PFKL: variants seen among roughly 807,000 people sequenced by gnomAD.
The protein encoded by PFKL is phosphofructokinase, liver type, also known as ATP-dependent 6-phosphofructokinase, liver type.
PFKL carries 74 observed loss-of-function variants against 92.1 expected under a neutral mutation model. The observed-to-expected ratio is 0.80, with a 90% CI of 0.67 to 0.97. The LOEUF is 0.97. PFKL is among the 50% of genes least tolerant of loss of function. The probability of loss-of-function intolerance (pLI) is 0.00; values close to 1 mark genes in which losing one functional copy is unlikely to be tolerated. For missense variants in PFKL, 1,028 were observed against 1,116.6 expected (o/e 0.92, Z 1.13); for synonymous variants, 494 against 456.4 (o/e 1.08, Z -1.05).
intron 17 of PFKL, 46 bp downstream of exon 17, chr21:44,324,701 A>G (rs745796573): frequency 6.4e-7 from 1 of 1,562,414 alleles, no homozygotes; most frequent in Non-Finnish European, 8.7e-7. Context: ...CCGGCATGCC[A>G]GCCTGGGCCC....
Position 44,319,765 on chromosome 21 carries a change from C to T in PFKL, c.1128-319C>T, listed in dbSNP as rs1049597493. The T allele has an allele frequency of 3.7e-5, 19 of 515,382 alleles. No homozygotes were observed. In the East Asian group the frequency reaches 4.0e-4, roughly 11 times the overall value. The allele number at this position is 515,382 out of a possible 1,614,324, so 31.9% of individuals were successfully genotyped here. On this transcript the variant is annotated intron_variant, in intron 11 of 21. Transcript: ENST00000349048. ...TACCACCCCCCTGCAGGCGTCCTGGCGGCCGGGTCAGGCTGGATTGGACGT... is the reference window on the plus strand; with the variant it reads ...TACCACCCCCCTGCAGGCGTCCTGGTGGCCGGGTCAGGCTGGATTGGACGT...
intron 1 of PFKL, among the ~76,000 whole-genome samples, chr21:44,303,033 G>T (rs1307239431): frequency 6.6e-6 from 1 of 152,120 alleles, no homozygotes; most frequent in African/African-American, 2.4e-5. Context: ...AGGAGTTCAA[G>T]ACCATCCTGG....
intron 7 of PFKL, chr21:44,315,948 C>G (rs1568957527): frequency 2.2e-6 from 1 of 448,666 alleles, no homozygotes; most frequent in African/African-American, 2.0e-5. Context: ...CCAGCCCCAG[C>G]TGTGTGTGTG....
Position 44,320,005 on chromosome 21 carries a change from G to A in PFKL, c.1128-79G>A, listed in dbSNP as rs938114851. The A allele has an allele frequency of 8.2e-6, 11 of 1,333,956 alleles. No individual in the cohort carries two copies. The South Asian group carries it at 1.3e-4, about 16-fold the overall frequency. The allele number at this position is 1,333,956 out of a possible 1,614,324, so 82.6% of individuals were successfully genotyped here. On this transcript the variant is annotated intron_variant, in intron 11 of 21. Transcript: ENST00000349048. ...GCCGTGTGCCTGTGACCAGCCTCCT[G>A]GGCTCTGTCACGGCTGCGCTGTGGC...
At position 44,311,076 on chromosome 21, in the gene PFKL, T is replaced by C; in HGVS notation, c.230T>C (p.Ile77Thr). ...AACTGGCTGAGCGTCTCCAACATCATCCAGCTGGTGAGGCCTGGGAACGCG... is the reference window on the plus strand; with the variant it reads ...AACTGGCTGAGCGTCTCCAACATCACCCAGCTGGTGAGGCCTGGGAACGCG... ...QANWLSVSNI[I>T]QLGGTIIGSA... Residue 77 changes from isoleucine (I) to threonine (T), a missense_variant, in exon 3 of 22, where the codon ATC becomes ACC. Coordinates refer to ENST00000349048, the MANE Select transcript of PFKL (RefSeq NM_002626.6). 6.2e-7 allele frequency: 1 copy of C among 1,612,318 alleles called. No individual in the cohort carries two copies. The highest frequency in any genetic ancestry group is 8.5e-7 in the Non-Finnish European group (1 of 1,179,192).
At chr21:44,325,071 C>T in intron 18 of PFKL, 82 bp from the exon 19 acceptor site, 1 of 1,222,012 alleles carries the variant, frequency 8.2e-7, no homozygotes. Context: ...CTCCCTCTCC[C>T]AGGCCTGGCC....
chr21:44,301,623 C>T (rs545921819), intron 1 of PFKL, among the ~76,000 whole-genome samples: 31 of 152,072 alleles, frequency 2.0e-4, no homozygotes, highest in African/African-American at 6.8e-4. Context: ...GGAGGGTGAA[C>T]TCGGGAAGCT....
chr21:44,326,046 A>G lies in PFKL; in HGVS notation c.2075A>G (p.Glu692Gly). ...AMLWLSEKLR[E>G]VYRKGRVFAN... is the part of the protein sequence containing the mutation. ...CTGTGGTTGTCGGAGAAGCTGCGCG[A>G]GGTTTACCGCAAGGGTAGGTGGTGG... is the stretch of plus-strand genomic sequence containing the variant. The change falls in exon 20 of 22, where the codon GAG becomes GGG. Residue 692 changes from glutamate to glycine, a missense_variant. By Grantham distance (98) the Glu-to-Gly change is moderately conservative. Transcript: ENST00000349048. The G allele has an allele frequency of 6.2e-7, 1 of 1,613,608 alleles. No homozygotes were observed. Among genetic ancestry groups the G allele is most frequent in the Non-Finnish European group, 8.5e-7 (1 of 1,179,886 alleles).
chr21:44,318,693 A>G, intron 10 of PFKL, 98 bp downstream of exon 10: 1 of 1,088,168 alleles, frequency 9.2e-7, no homozygotes, highest in Non-Finnish European at 1.2e-6. Context: ...CACTGTGAGC[A>G]CCGGAGGGCA....
chr21:44,309,850 G>A (rs1323706357), intron 2 of PFKL, among the ~76,000 whole-genome samples: 1 of 152,246 alleles, frequency 6.6e-6, no homozygotes, highest in East Asian at 1.9e-4. Flanking sequence ...CTGTCCCCCA[G>A]CCCAGCTGGT....
At chr21:44,306,648 G>A (rs552484301) in intron 1 of PFKL, 33 bp from the exon 2 acceptor site, 10 of 1,600,412 alleles carry the variant, frequency 6.2e-6, no homozygotes, top group Middle Eastern at 1.7e-4. Context: ...GCTTCTCAGC[G>A]TGGGACTGAC....
chr21:44,321,569 C>G (rs1319883570), intron 12 of PFKL, 160 bp from the exon 13 acceptor site: 2 of 599,430 alleles, frequency 3.3e-6, no homozygotes, highest in East Asian at 6.6e-5. Context: ...AGAACAGATA[C>G]CGTATTCCCA....
chr21:44,316,644 G>C, intron 9 of PFKL, 120 bp downstream of exon 9: 1 of 728,528 alleles, frequency 1.4e-6, no homozygotes, highest in South Asian at 1.8e-5. Context: ...CTGTGGGTGA[G>C]TGTCCGTGTC....
chr21:44,312,943 G>T (rs947641368), intron 4 of PFKL, 35 bp from the exon 5 acceptor site: 2 of 1,607,752 alleles, frequency 1.2e-6, no homozygotes, highest in Admixed American at 3.3e-5. Flanking sequence ...GGCCAGTGGA[G>T]CCTCAGCCAG....
At chr21:44,319,815 C>A in intron 11 of PFKL, 1 of 514,570 alleles carries the variant, frequency 1.9e-6, no homozygotes, top group Non-Finnish European at 3.5e-6. Context: ...GTGCCTCCAC[C>A]CGCTACCAAG....
In PFKL at chr21:44,316,297, T is replaced by C. The variant is rs781143318; in HGVS notation, c.801T>C (p.Ile267=). 1.2e-6 allele frequency: 2 copies of C among 1,613,312 alleles called. No individual in the cohort carries two copies. Among genetic ancestry groups the C allele is most frequent in the Non-Finnish European group, 1.7e-6 (2 of 1,179,980 alleles). ...LNIIIIAEGA[I]DRNGKPISSS... ...TCATCATCATCGCTGAGGGTGCCATTGACCGCAACGGGAAGCCCATCTCGT... is the reference window on the plus strand; with the variant it reads ...TCATCATCATCGCTGAGGGTGCCATCGACCGCAACGGGAAGCCCATCTCGT... The change falls in exon 8 of 22, where the codon ATT becomes ATC. Residue 267 remains isoleucine, a synonymous_variant. Transcript: ENST00000349048.
intron 7 of PFKL, chr21:44,314,624 G>A (rs2047149673): frequency 6.5e-6 from 1 of 153,284 alleles, no homozygotes; most frequent in Non-Finnish European, 1.4e-5. Flanking sequence ...GGTGTGTCTG[G>A]AGTGGGGGTG....
intron 14 of PFKL, 76 bp downstream of exon 14, chr21:44,322,279 A>G: frequency 7.1e-7 from 1 of 1,408,626 alleles, no homozygotes; most frequent in Non-Finnish European, 9.7e-7. Flanking sequence ...TGGGGGCGGC[A>G]AGGGGAACCC....
Position 44,321,842 on chromosome 21 carries a change from G to A in PFKL, c.1305G>A (p.Val435=). ...GISHGHTVYV[V]HDGFEGLAKG... Reference sequence around the variant, plus strand: ...CCCATGGACACACAGTATACGTGGTGCACGATGGCTTCGAAGGCCTAGCCA... The same window carrying A: ...CCCATGGACACACAGTATACGTGGTACACGATGGCTTCGAAGGCCTAGCCA... Residue 435 remains valine (V), a synonymous_variant, in exon 13 of 22, where the codon GTG becomes GTA. Transcript: ENST00000349048. 1.3e-6 allele frequency: 2 copies of A among 1,571,446 alleles called. No homozygotes were observed. Among genetic ancestry groups the A allele is most frequent in the Non-Finnish European group, 1.7e-6 (2 of 1,156,368 alleles).
Sources: allele counts gnomAD v4.1 joint callset (sites outside exome capture counted in the v4.1 genomes callset), GRCh38; gene constraint gnomAD v4.1.1; transcripts MANE v1.5; gene names NCBI Gene and HGNC (gene_info 2026-07-23, HGNC 2026-07-21).